Variants in GRID2 observed in about 807,000 individuals in gnomAD.
GRID2 encodes glutamate ionotropic receptor delta type subunit 2.
A neutral mutation model predicts 114.8 loss-of-function variants in GRID2; 33 were observed. That is an observed-to-expected ratio of 0.29 (90% CI 0.22 to 0.38). The LOEUF is 0.38. Among genes scored for constraint, GRID2 ranks in the 10% least tolerant of loss-of-function variants. GRID2 has a pLI of 1.00. For synonymous variants in GRID2, 505 were observed against 449.9 expected, an observed-to-expected ratio of 1.12 and a Z score of -1.55; for missense variants, 1,184 against 1,257.7, an observed-to-expected ratio of 0.94 and a Z score of 0.89.
At chr4:93,031,427 G>A (rs1199341807) in intron 2 of GRID2, among the ~76,000 whole-genome samples, 1 of 152,122 alleles carries the variant, frequency 6.6e-6, no homozygotes, top group Non-Finnish European at 1.5e-5. Context: ...CCTGCTGCCT[G>A]ACACCACAAG....
At chr4:92,607,585 A>T (rs1353551618) in intron 2 of GRID2, among the ~76,000 whole-genome samples, 1 of 151,910 alleles carries the variant, frequency 6.6e-6, no homozygotes, top group Non-Finnish European at 1.5e-5. Flanking sequence ...GTAACGAGTT[A>T]CAACAGACCT....
At chr4:93,063,127 T>C (rs1365937018) in intron 2 of GRID2, among the ~76,000 whole-genome samples, 2 of 151,924 alleles carry the variant, frequency 1.3e-5, no homozygotes, top group Non-Finnish European at 2.9e-5. Flanking sequence ...TACAAAACTT[T>C]CTCGGGCGAA....
intron 8 of GRID2, among the ~76,000 whole-genome samples, chr4:93,387,726 A>C (rs1764458635): frequency 6.6e-6 from 1 of 151,622 alleles, no homozygotes; most frequent in African/African-American, 2.4e-5. Flanking sequence ...ACTACTCGGC[A>C]GGCTGAGGCA....
intron 8 of GRID2, among the ~76,000 whole-genome samples, chr4:93,368,857 A>C (rs1762594453): frequency 6.6e-6 from 1 of 152,224 alleles, no homozygotes; most frequent in African/African-American, 2.4e-5. Flanking sequence ...ACGAAGTCGT[A>C]GTGAGTTGGC....
intron 4 of GRID2, among the ~76,000 whole-genome samples, chr4:93,188,073 G>C (rs1740613886): frequency 6.6e-6 from 1 of 152,126 alleles, no homozygotes; most frequent in Non-Finnish European, 1.5e-5. Context: ...AGCTCTCACA[G>C]GTTAGACTTG....
At chr4:92,500,735 A>T (rs1479762602) in intron 1 of GRID2, among the ~76,000 whole-genome samples, 1 of 152,104 alleles carries the variant, frequency 6.6e-6, no homozygotes, top group Admixed American at 6.6e-5. Context: ...ATCCTGCCTG[A>T]TACCTGATTT....
intron 13 of GRID2, among the ~76,000 whole-genome samples, chr4:93,526,839 TAAAC>T (rs1730955868): frequency 6.6e-6 from 1 of 151,988 alleles, no homozygotes; most frequent in African/African-American, 2.4e-5. Context: ...AAAAATAAAA[TAAAC>T]AGGAGACATC....
intron 14 of GRID2, among the ~76,000 whole-genome samples, chr4:93,702,357 T>G (rs1328996393): frequency 1.3e-5 from 2 of 152,150 alleles, no homozygotes; most frequent in Non-Finnish European, 2.9e-5. Context: ...GTTCTGCAAT[T>G]CGTCTTTTTC....
chr4:92,874,689 T>C (rs1310959233), intron 2 of GRID2, among the ~76,000 whole-genome samples: 1 of 152,182 alleles, frequency 6.6e-6, no homozygotes, highest in East Asian at 1.9e-4. Flanking sequence ...ATCTTTTCTA[T>C]ATGAAAAGAC....
chr4:93,720,561 A>G (rs1251597167), intron 14 of GRID2, among the ~76,000 whole-genome samples: 1 of 152,206 alleles, frequency 6.6e-6, no homozygotes, highest in African/African-American at 2.4e-5. Context: ...CTGTACTGAG[A>G]ATTTTGCACA....
intron 4 of GRID2, among the ~76,000 whole-genome samples, chr4:93,115,811 C>T (rs1363611503): frequency 1.3e-5 from 2 of 152,070 alleles, no homozygotes; most frequent in Non-Finnish European, 1.5e-5. Flanking sequence ...ACCAAGAGAA[C>T]AGTATGAGGG....
chr4:92,632,618 C>T (rs530239122), intron 2 of GRID2, among the ~76,000 whole-genome samples: 8 of 150,114 alleles, frequency 5.3e-5, no homozygotes, highest in South Asian at 4.2e-4. Context: ...AGCCACGGAG[C>T]GAGATTCTGT....
intron 2 of GRID2, among the ~76,000 whole-genome samples, chr4:92,751,047 C>A (rs1737432498): frequency 6.6e-6 from 1 of 151,950 alleles, no homozygotes; most frequent in African/African-American, 2.4e-5. Context: ...GGCAAACACA[C>A]CTTTTTATAA....
At chr4:93,593,225 C>G (rs921824912) in intron 13 of GRID2, among the ~76,000 whole-genome samples, 4 of 146,700 alleles carry the variant, frequency 2.7e-5, no homozygotes, top group African/African-American at 9.9e-5. Flanking sequence ...GCGCTTCCTT[C>G]AGGAGCTCTT....
chr4:92,365,801 A>T (rs577180889), intron 1 of GRID2, among the ~76,000 whole-genome samples: 41 of 152,160 alleles, frequency 2.7e-4, no homozygotes, highest in African/African-American at 9.6e-4. Flanking sequence ...AAAATAAATA[A>T]TCAGCATATA....
intron 2 of GRID2, among the ~76,000 whole-genome samples, chr4:92,892,052 G>GT (rs889948503): frequency 2.2e-3 from 322 of 145,300 alleles, no homozygotes; most frequent in South Asian, 0.013. Context: ...GTAATAGCTG[G>GT]TTTTTTTTTT....
chr4:93,121,670 C>A (rs1733793497), intron 4 of GRID2, among the ~76,000 whole-genome samples: 1 of 151,992 alleles, frequency 6.6e-6, no homozygotes, highest in South Asian at 2.1e-4. Context: ...ATTGCTAGCT[C>A]AAGGAGTACG....
At chr4:92,364,498 C>T (rs2110207062) in intron 1 of GRID2, among the ~76,000 whole-genome samples, 1 of 151,800 alleles carries the variant, frequency 6.6e-6, no homozygotes, top group East Asian at 1.9e-4. Flanking sequence ...TATTCAATAA[C>T]AAAAAATGAA....
rs985761303 is a variant in GRID2 at position 93,772,554 on chromosome 4, A to G, written c.*56A>G. The G allele has an allele frequency of 6.6e-6, 8 of 1,209,506 alleles. No homozygotes were observed. Among genetic ancestry groups the G allele is most frequent in the Admixed American group, 2.2e-5 (1 of 44,630 alleles). The allele number at this position is 1,209,506 out of a possible 1,614,324, so 74.9% of individuals were successfully genotyped here. A position where few individuals can be genotyped will look rare whatever the true frequency, so the allele number is the denominator to read the frequency against. On this transcript the variant is annotated 3_prime_UTR_variant, in exon 16 of 16. Transcript: ENST00000282020. ...TTTAGGACTCCCTTTGCAAGGAGCAACTGTAATATTGTGGGACTAACATGG... is the reference window on the plus strand; with the variant it reads ...TTTAGGACTCCCTTTGCAAGGAGCAGCTGTAATATTGTGGGACTAACATGG...
Sources: allele counts gnomAD v4.1 joint callset (sites outside exome capture counted in the v4.1 genomes callset), GRCh38; gene constraint gnomAD v4.1.1; transcripts MANE v1.5; gene names NCBI Gene and HGNC (gene_info 2026-07-23, HGNC 2026-07-21).